Variants in CACNA1B observed in about 807,000 individuals in gnomAD.
The protein encoded by CACNA1B is calcium voltage-gated channel subunit alpha1 B, also known as voltage-dependent N-type calcium channel subunit alpha-1B.
A neutral mutation model predicts 247.2 loss-of-function variants in CACNA1B; 70 were observed. That is an observed-to-expected ratio of 0.28 (90% CI 0.23 to 0.35). CACNA1B has a LOEUF of 0.35. Ranked by LOEUF, CACNA1B falls within the 10% of genes least tolerant of loss-of-function variation. CACNA1B has a pLI of 1.00. For synonymous variants in CACNA1B, 1,231 were observed against 1,294.4 expected (o/e 0.95, Z 1.05); for missense variants, 2,367 against 3,197.4 (o/e 0.74, Z 6.26).
rs370157327 is a variant in CACNA1B, at chr9:138,053,932, C to A, written c.3894C>A (p.Val1298=). The A allele has an allele frequency of 1.2e-6, 2 of 1,613,536 alleles. No homozygotes were observed. The highest frequency in any genetic ancestry group is 1.3e-5 in the African/African-American group (1 of 74,922). Residue 1298 remains valine, a synonymous_variant, in exon 26 of 47, where the codon GTC becomes GTA. Transcript: ENST00000371372. The part of the protein sequence containing the change: ...VYMLFMFIFA[V]IAVQLFKGKF... ...TGCTCTTCATGTTCATATTTGCCGT[C>A]ATTGCGGTGCAGCTCTTCAAAGGGA... is the stretch of plus-strand genomic sequence containing the variant.
intron 36 of CACNA1B, among the ~76,000 whole-genome samples, chr9:138,082,599 C>T (rs1393789193): frequency 6.6e-6 from 1 of 151,248 alleles, no homozygotes; most frequent in Non-Finnish European, 1.5e-5. Flanking sequence ...TCACTAGGTA[C>T]AGAGAAGCCT....
intron 20 of CACNA1B, among the ~76,000 whole-genome samples, chr9:138,042,343 G>A (rs902089187): frequency 2.0e-5 from 3 of 152,246 alleles, no homozygotes; most frequent in Non-Finnish European, 2.9e-5. Flanking sequence ...CCAGCTACTC[G>A]GGATGCGGAG....
chr9:137,882,659 TG>T lies in CACNA1B; in HGVS notation c.391-81del. 6.7e-7 allele frequency: 1 copy of T among 1,494,218 alleles called. No homozygotes were observed. The highest frequency in any genetic ancestry group is 9.3e-7 in the Non-Finnish European group (1 of 1,080,214). The allele number at this position is 1,494,218 out of a possible 1,614,324, so 92.6% of individuals were successfully genotyped here. On this transcript the variant is annotated intron_variant, in intron 2 of 46. Transcript: ENST00000371372. This position sits in a 1 kb window ranked among gnomAD's most constrained non-coding sequence, Gnocchi z 4.0. ...CACGATAGCTGTGGCCTGCACATGG[TG>T]GGGTGGGGTCCTCACCAACCGTCTC...
chr9:138,091,457 G>A (rs527576521), intron 36 of CACNA1B, among the ~76,000 whole-genome samples: 2 of 152,278 alleles, frequency 1.3e-5, no homozygotes, highest in East Asian at 3.9e-4. Context: ...GGTGAAATAA[G>A]TTTGAGTCTT....
rs147921574 is a variant in CACNA1B, at chr9:138,113,028, CCTT to C, written c.5536+527_5536+529del. Among the ~76,000 whole-genome samples, 837 of 143,082 alleles carry C rather than the reference CCTT, an allele frequency of 5.8e-3. 9 individuals carry two copies. Among genetic ancestry groups the C allele is most frequent in the African/African-American group, 0.021 (783 of 37,540 alleles). The allele number at this position is 143,082 out of a possible 152,430, so 93.9% of individuals were successfully genotyped here. A position where few individuals can be genotyped will look rare whatever the true frequency, so the allele number is the denominator to read the frequency against. On this transcript the variant is annotated intron_variant, in intron 40 of 46. Coordinates refer to ENST00000371372, the MANE Select transcript of CACNA1B (RefSeq NM_000718.4). ...AGGGAGCGCAGAGAGGTGCCCAACT[CCTT>C]CTTGTGAGAGACGTGAGGGAGCACG...
intron 3 of CACNA1B, among the ~76,000 whole-genome samples, chr9:137,910,032 A>C (rs574393366): frequency 1.3e-5 from 2 of 152,188 alleles, no homozygotes; most frequent in Admixed American, 1.3e-4. Flanking sequence ...CGGCCTCCCA[A>C]AGTGTTGGGA....
intron 5 of CACNA1B, among the ~76,000 whole-genome samples, chr9:137,915,512 T>C (rs1371915317): frequency 6.6e-6 from 1 of 152,144 alleles, no homozygotes; most frequent in Non-Finnish European, 1.5e-5. Flanking sequence ...CTAAGGTTTG[T>C]GGCTTGAACT....
intron 20 of CACNA1B, among the ~76,000 whole-genome samples, chr9:138,031,112 A>T (rs1958982826): frequency 6.7e-6 from 1 of 150,358 alleles, no homozygotes; most frequent in Non-Finnish European, 1.5e-5. Context: ...CTTCTTTTCT[A>T]GTTTCTTGGG....
In CACNA1B at chr9:137,917,170, A is replaced by G; in HGVS notation, c.776-71A>G. 1 of 1,448,022 alleles carries G rather than the reference A, an allele frequency of 6.9e-7. No individual in the cohort carries two copies. Among genetic ancestry groups the G allele is most frequent in the Admixed American group, 2.0e-5 (1 of 51,208 alleles). 89.7% of individuals were successfully genotyped at this position (1,448,022 alleles called of 1,614,324 possible). On this transcript the variant is annotated intron_variant, in intron 5 of 46. Transcript: ENST00000371372. The surrounding 1 kb of genome is among the most constrained non-coding windows in gnomAD (Gnocchi z 5.5). ...ACCTGCTGTGAGCTCTCCAGAGCCC[A>G]GGAATCCTGGTGGGGATTGGAGAGC...
Position 138,124,159 on chromosome 9 carries a change from A to G in CACNA1B, c.*2160A>G, listed in dbSNP as rs199978013. On this transcript the variant is annotated 3_prime_UTR_variant, in exon 47 of 47. Transcript: ENST00000371372. ...TCTCACTGTGTCTTCTCCGGCTATC[A>G]TATATGTCCCCTGAATCTCATAGTG... The G allele has an allele frequency of 1.3e-5, 2 of 152,196 alleles. 1 individual carries two copies. The highest frequency in any genetic ancestry group is 2.9e-5 in the Non-Finnish European group (2 of 68,036). The allele number at this position is 152,196 out of a possible 1,614,324, so 9.4% of individuals were successfully genotyped here. A position where few individuals can be genotyped will look rare whatever the true frequency, so the allele number is the denominator to read the frequency against.
intron 3 of CACNA1B, among the ~76,000 whole-genome samples, chr9:137,893,004 TC>T (rs932988935): frequency 6.6e-6 from 1 of 152,172 alleles, no homozygotes; most frequent in African/African-American, 2.4e-5. Flanking sequence ...GCCATGGCAC[TC>T]CGTGTCTCGC....
At chr9:138,097,353 T>C (rs889071965) in intron 37 of CACNA1B, among the ~76,000 whole-genome samples, 10 of 152,128 alleles carry the variant, frequency 6.6e-5, no homozygotes, top group African/African-American at 1.7e-4. Context: ...TCAGGATCCA[T>C]GGGGGTCCCG....
chr9:137,907,762 G>C (rs1957314202), intron 3 of CACNA1B, among the ~76,000 whole-genome samples: 1 of 152,080 alleles, frequency 6.6e-6, no homozygotes, highest in Admixed American at 6.6e-5. Context: ...TTAGTCTTAA[G>C]TCATCCTTCC....
At chr9:137,938,397 T>C (rs186101772) in intron 6 of CACNA1B, among the ~76,000 whole-genome samples, 1 of 152,256 alleles carries the variant, frequency 6.6e-6, no homozygotes, top group East Asian at 1.9e-4. Flanking sequence ...ATGACTAGAA[T>C]AGTATCTCAC....
intron 32 of CACNA1B, among the ~76,000 whole-genome samples, chr9:138,070,612 C>A (rs936426544): frequency 5.9e-5 from 9 of 152,184 alleles, no homozygotes; most frequent in African/African-American, 2.2e-4. Context: ...GTTTGTGATA[C>A]AGCGATTCAC....
intron 15 of CACNA1B, among the ~76,000 whole-genome samples, chr9:138,004,320 G>C (rs115273160): frequency 9.9e-5 from 15 of 152,110 alleles, no homozygotes; most frequent in African/African-American, 2.9e-4. Flanking sequence ...GCTGAGGGGG[G>C]GCTGATTGCT....
rs374108621 is a variant in CACNA1B, at chr9:137,922,334, G to A, written c.966+4903G>A. On this transcript the variant is annotated intron_variant, in intron 6 of 46. Transcript: ENST00000371372. ...GTGCTCGGAGAACATGATCAGCACCGCGATCACACAGCATCCTGGGAGCAG... is the reference window on the plus strand; with the variant it reads ...GTGCTCGGAGAACATGATCAGCACCACGATCACACAGCATCCTGGGAGCAG... 8.8e-5 allele frequency among the ~76,000 whole-genome samples: 13 copies of A among 147,782 alleles called. No individual in the cohort carries two copies. The East Asian group carries it at 2.2e-3, about 25-fold the overall frequency.
At chr9:137,904,808 T>A (rs1401349771) in intron 3 of CACNA1B, among the ~76,000 whole-genome samples, 1 of 152,208 alleles carries the variant, frequency 6.6e-6, no homozygotes, top group Non-Finnish European at 1.5e-5. Flanking sequence ...GTGATCATTT[T>A]ATCTATTTTT....
rs897669861 is a variant in CACNA1B, at chr9:137,950,093, G to T, written c.967-2181G>T. 6.6e-6 allele frequency among the ~76,000 whole-genome samples: 1 copy of T among 152,174 alleles called. No homozygotes were observed. Among genetic ancestry groups the T allele is most frequent in the African/African-American group, 2.4e-5 (1 of 41,436 alleles). On this transcript the variant is annotated intron_variant, in intron 6 of 46. Transcript: ENST00000371372. This position sits in a 1 kb window ranked among gnomAD's most constrained non-coding sequence, Gnocchi z 4.8. ...GGAGGAGGGCTGCTGTCTTGTTGCC[G>T]GTGAGTGCAGAAGTCTAGGTTCCCC...
Sources: gnomAD v4.1 joint callset for allele counts (sites outside exome capture counted in the v4.1 genomes callset) on GRCh38, gnomAD v4.1.1 for gene constraint, Gnocchi (gnomAD v3.1) non-coding constraint, MANE v1.5 for transcripts, NCBI Gene and HGNC (gene_info 2026-07-23, HGNC 2026-07-21) for gene names.